The following KALRN variants were observed in gnomAD, a reference collection of about 807,000 sequenced individuals.
KALRN encodes kalirin RhoGEF kinase.
KALRN carries 70 observed loss-of-function variants against 353.7 expected under a neutral mutation model. The observed-to-expected ratio is 0.20, with a 90% CI of 0.16 to 0.24. The LOEUF (loss-of-function observed/expected upper bound fraction) is 0.24, where lower values mean the gene tolerates loss of function less well. Among genes scored for constraint, KALRN ranks in the 10% least tolerant of loss-of-function variants. KALRN has a pLI of 1.00. For missense variants in KALRN, 2,791 were observed against 3,756.7 expected, an observed-to-expected ratio of 0.74 and a Z score of 6.72; for synonymous variants, 1,391 against 1,434.8, an observed-to-expected ratio of 0.97 and a Z score of 0.69.
At chr3:124,119,844 A>G (rs1386426392) in intron 1 of KALRN, among the ~76,000 whole-genome samples, 1 of 152,210 alleles carries the variant, frequency 6.6e-6, no homozygotes, top group Non-Finnish European at 1.5e-5. Context: ...TGTGTCTAGA[A>G]CTTAGAATGC....
At chr3:124,623,181 T>G (rs191982945) in intron 34 of KALRN, among the ~76,000 whole-genome samples, 1 of 151,812 alleles carries the variant, frequency 6.6e-6, no homozygotes, top group East Asian at 1.9e-4. Flanking sequence ...TCTTTCATTC[T>G]GCTATGTTGC....
At chr3:124,053,799 A>G (rs934920888) in intron 1 of KALRN, among the ~76,000 whole-genome samples, 2 of 152,236 alleles carry the variant, frequency 1.3e-5, no homozygotes, top group African/African-American at 4.8e-5. Flanking sequence ...TTCTTGACAC[A>G]ATGTCATTTT....
chr3:124,715,212 G>T (rs878855), intron 58 of KALRN, among the ~76,000 whole-genome samples: 12,770 of 152,194 alleles, frequency 0.084, 899 homozygotes, highest in East Asian at 0.32. Context: ...TTCAGGGAAA[G>T]TTTGTGGAGA....
At chr3:124,160,593 C>G (rs1275696702) in intron 1 of KALRN, among the ~76,000 whole-genome samples, 1 of 151,776 alleles carries the variant, frequency 6.6e-6, no homozygotes, top group Non-Finnish European at 1.5e-5. Flanking sequence ...TCTGGGCCAT[C>G]AGGCAGCTCT....
chr3:124,590,801 G>C (rs1437157642), intron 34 of KALRN, among the ~76,000 whole-genome samples: 2 of 152,040 alleles, frequency 1.3e-5, no homozygotes, highest in Non-Finnish European at 2.9e-5. Flanking sequence ...CAAGCAGAAG[G>C]GACTAAATCA....
At chr3:124,288,854 A>T (rs1311197077) in intron 5 of KALRN, among the ~76,000 whole-genome samples, 1 of 152,170 alleles carries the variant, frequency 6.6e-6, no homozygotes, top group African/African-American at 2.4e-5. Flanking sequence ...GCTCTGAGGG[A>T]TGACGCGAAG....
At chr3:124,132,179 A>G (rs1181924623) in intron 1 of KALRN, among the ~76,000 whole-genome samples, 1 of 152,176 alleles carries the variant, frequency 6.6e-6, no homozygotes, top group East Asian at 1.9e-4. Flanking sequence ...TCTTTCCATC[A>G]TTAGTGCTGA....
At chr3:124,082,733 A>C (rs1022688443) in intron 1 of KALRN, among the ~76,000 whole-genome samples, 1 of 152,252 alleles carries the variant, frequency 6.6e-6, no homozygotes, top group African/African-American at 2.4e-5. Flanking sequence ...AATAGTATGC[A>C]GACAACATGA....
intron 5 of KALRN, among the ~76,000 whole-genome samples, chr3:124,269,667 C>G (rs1395323425): frequency 1.3e-5 from 2 of 152,192 alleles, no homozygotes; most frequent in South Asian, 2.1e-4. Context: ...AAAAACAGTA[C>G]TGTTAACAGC....
At chr3:124,550,785 C>T (rs552167889) in intron 33 of KALRN, among the ~76,000 whole-genome samples, 318 of 152,132 alleles carry the variant, frequency 2.1e-3, no homozygotes, top group Admixed American at 4.9e-3. Context: ...GTCAGGAGAT[C>T]GAGACCACCC....
intron 33 of KALRN, among the ~76,000 whole-genome samples, chr3:124,517,010 G>T (rs1288103394): frequency 3.3e-5 from 5 of 152,104 alleles, no homozygotes; most frequent in Non-Finnish European, 5.9e-5. Context: ...TAGAGACGGG[G>T]TTTCACTGTG....
rs546173151 is a variant in KALRN at position 124,379,398 on chromosome 3, G to A, written c.1771-5447G>A. 7.1e-4 allele frequency among the ~76,000 whole-genome samples: 108 copies of A among 151,924 alleles called. 1 individual carries two copies. The highest frequency in any genetic ancestry group is 2.6e-3 in the African/African-American group (108 of 41,436). ...GTGAGATTTTCCTGATTATGTGCAC[G>A]CCTGGTAATTTTTTACTAGATACCA... On this transcript the variant is annotated intron_variant, in intron 10 of 59. Coordinates refer to ENST00000682506, the MANE Select transcript of KALRN (RefSeq NM_001388419.1).
At chr3:124,430,805 C>T in intron 16 of KALRN, 30 bp downstream of exon 16, 2 of 1,607,210 alleles carry the variant, frequency 1.2e-6, no homozygotes, top group Non-Finnish European at 1.7e-6. Flanking sequence ...GCACTGTCCT[C>T]CCTTCGCCTT....
intron 3 of KALRN, among the ~76,000 whole-genome samples, chr3:124,260,514 T>C (rs2072694095): frequency 6.6e-6 from 1 of 152,088 alleles, no homozygotes; most frequent in African/African-American, 2.4e-5. Context: ...GGGGTACACA[T>C]AATGGTGGTG....
chr3:124,223,412 C>T (rs945683319), intron 1 of KALRN, among the ~76,000 whole-genome samples: 2 of 152,068 alleles, frequency 1.3e-5, no homozygotes, highest in African/African-American at 2.4e-5. Flanking sequence ...GGACACCACA[C>T]GGGTGAAGTA....
At chr3:124,491,478 G>C (rs2063152188) in intron 31 of KALRN, 54 bp downstream of exon 31, 1 of 1,335,372 alleles carries the variant, frequency 7.5e-7, no homozygotes, top group Admixed American at 2.2e-5. Flanking sequence ...ATAGAAGTGG[G>C]GGTGGGCAAG....
chr3:124,336,944 G>A (rs1365354284), intron 9 of KALRN, among the ~76,000 whole-genome samples: 3 of 151,996 alleles, frequency 2.0e-5, no homozygotes, highest in Non-Finnish European at 4.4e-5. Flanking sequence ...TCTATTATTG[G>A]TTTACAGGAA....
intron 13 of KALRN, among the ~76,000 whole-genome samples, chr3:124,403,093 C>T (rs533339001): frequency 6.6e-6 from 1 of 152,224 alleles, no homozygotes; most frequent in Non-Finnish European, 1.5e-5. Flanking sequence ...AACAAATGAG[C>T]CACAGTCAGC....
intron 1 of KALRN, among the ~76,000 whole-genome samples, chr3:124,176,038 C>T (rs1192362352): frequency 6.6e-6 from 1 of 152,094 alleles, no homozygotes; most frequent in African/African-American, 2.4e-5. Flanking sequence ...CCCTTTATAA[C>T]CTCTTGTCTG....
Sources: gnomAD v4.1 joint callset for allele counts (sites outside exome capture counted in the v4.1 genomes callset) on GRCh38, gnomAD v4.1.1 for gene constraint, MANE v1.5 for transcripts, NCBI Gene and HGNC (gene_info 2026-07-23, HGNC 2026-07-21) for gene names.